The following NUMA1 variants were observed in gnomAD, a reference collection of about 807,000 sequenced individuals.
NUMA1 encodes SP-H antigen.
A neutral mutation model predicts 237.1 loss-of-function variants in NUMA1; 62 were observed. The ratio of observed to expected loss-of-function variants is 0.26; its 90% CI spans 0.21 to 0.32. The LOEUF (loss-of-function observed/expected upper bound fraction) is 0.32, where lower values mean the gene tolerates loss of function less well. Among genes scored for constraint, NUMA1 ranks in the 10% least tolerant of loss-of-function variants. The pLI, the probability that NUMA1 is intolerant of heterozygous loss-of-function variation, is 1.00. For synonymous variants in NUMA1, 1,028 were observed against 1,066.1 expected (o/e 0.96, Z 0.70); for missense variants, 2,533 against 2,666.5 (o/e 0.95, Z 1.10).
chr11:72,071,597 A>G (rs1446212011), intron 1 of NUMA1, among the ~76,000 whole-genome samples: 1 of 152,260 alleles, frequency 6.6e-6, no homozygotes, highest in African/African-American at 2.4e-5. Context: ...GAGAAATCTG[A>G]ACAAGTATTA....
rs1590859024 is a variant in NUMA1 at position 72,006,046 on chromosome 11, C to G, written c.5681G>C (p.Gly1894Ala). Residue 1894 changes from glycine (G) to alanine (A), a missense_variant, in exon 22 of 27, where the codon GGG (glycine) becomes GCG (alanine). By Grantham distance (60) the Gly-to-Ala change is moderately conservative (BLOSUM62 0). Coordinates refer to ENST00000393695, the MANE Select transcript of NUMA1 (RefSeq NM_006185.4). Reference sequence around the variant, plus strand: ...TGTAGTCCCCTCACCTGGAGGGGCCCCACTGGACACCCCGGCCTGGGAACG... The same window carrying G: ...TGTAGTCCCCTCACCTGGAGGGGCCGCACTGGACACCCCGGCCTGGGAACG... ...ARRSQAGVSS[G>A]APPGRNSFYM... 2.5e-6 allele frequency: 4 copies of G among 1,612,178 alleles called. No homozygotes were observed. Among genetic ancestry groups the G allele is most frequent in the African/African-American group, 2.7e-5 (2 of 75,052 alleles).
Position 72,007,357 on chromosome 11 carries a change from G to T in NUMA1, c.5295C>A (p.Pro1765=), listed in dbSNP as rs756937216. 8 of 1,613,672 alleles carry T rather than the reference G, an allele frequency of 5.0e-6. No homozygotes were observed. The Middle Eastern group carries it at 5.0e-4, about 100-fold the overall frequency. ...AGAGACTCTCCAGGGATTCTACCTT[G>T]GGGGGCAGGCGCTGGGAGATAGGTG... ...PASPISQRLP[P]KVESLESLYF... Residue 1765 remains proline (P), a synonymous_variant, in exon 21 of 27, where the codon CCC becomes CCA. Coordinates refer to ENST00000393695, the MANE Select transcript of NUMA1 (RefSeq NM_006185.4).
rs1955405845 is a variant in NUMA1 at position 72,003,525 on chromosome 11, C to G, written c.*2G>C. ...GTGGGGCCACTCACTGGTACTGGCC[C>G]TTTAGTGCTTTGCCTGAAAGAGACA... On this transcript the variant is annotated 3_prime_UTR_variant, in exon 27 of 27. Coordinates refer to ENST00000393695, the MANE Select transcript of NUMA1 (RefSeq NM_006185.4). 6.2e-7 allele frequency: 1 copy of G among 1,614,124 alleles called. No homozygotes were observed. The highest frequency in any genetic ancestry group is 8.5e-7 in the Non-Finnish European group (1 of 1,179,968).
Position 72,015,353 on chromosome 11 carries a change from C to G in NUMA1, c.2150G>C (p.Ser717Thr), listed in dbSNP as rs1174344669. ...LKESLKVTKG[S>T]LEEEKRRAAD... ...AGCCCTGCGCTTCTCCTCTTCAAGG[C>G]TGCCCTTGGTGACCTTCAAGGACTC... The change falls in exon 15 of 27, where the codon AGC becomes ACC. Residue 717 changes from serine (S) to threonine (T), a missense_variant. Physicochemically the swap from Ser to Thr is moderately conservative, Grantham distance 58 (BLOSUM62 1). Around this residue, in one of 3 missense-constraint regions of NUMA1, gnomAD observed 1,414 missense variants for 1,508.1 expected, o/e 0.94. Transcript: ENST00000393695. The surrounding 1 kb of genome is among the most constrained non-coding windows in gnomAD (Gnocchi z 4.0). The G allele has an allele frequency of 1.9e-6, 3 of 1,613,104 alleles. No homozygotes were observed. The highest frequency in any genetic ancestry group is 2.7e-5 in the African/African-American group (2 of 74,948).
chr11:72,037,110 A>G (rs563003879), intron 2 of NUMA1, among the ~76,000 whole-genome samples: 44 of 152,316 alleles, frequency 2.9e-4, no homozygotes, highest in African/African-American at 7.9e-4. Context: ...CGGGAAAGAG[A>G]TACGAAAATC....
chr11:72,005,516 G>T, intron 22 of NUMA1, 147 bp from the exon 23 acceptor site: 2 of 695,274 alleles, frequency 2.9e-6, no homozygotes, highest in Non-Finnish European at 4.8e-6. Context: ...AGGTGCAGGA[G>T]TACGGCACAC....
At chr11:72,078,606 G>C (rs1337337007) in intron 1 of NUMA1, among the ~76,000 whole-genome samples, 1 of 152,184 alleles carries the variant, frequency 6.6e-6, no homozygotes, top group Non-Finnish European at 1.5e-5. Flanking sequence ...CGAGCTTTCA[G>C]GTAAGATCTT....
In NUMA1 at chr11:72,018,954, G is replaced by A. The variant is rs922377643; in HGVS notation, c.611C>T (p.Pro204Leu). The A allele has an allele frequency of 6.2e-7, 1 of 1,613,858 alleles. No individual in the cohort carries two copies. The highest frequency in any genetic ancestry group is 1.3e-5 in the African/African-American group (1 of 74,888). The stretch of plus-strand genomic sequence containing the variant: ...TGGGGTCTGCAGGATATCACCCATG[G>A]GAGAAGCTGGAGAACCTGAGAGAAA... ...NNFLSGSPASPMGDILQTPQF... is the reference protein window; with the variant it reads ...NNFLSGSPASLMGDILQTPQF... Residue 204 changes from proline to leucine, a missense_variant, in exon 10 of 27, where the codon CCC (proline) becomes CTC (leucine). Pro to Leu is a moderately conservative substitution (Grantham distance 98, BLOSUM62 -3). Coordinates refer to ENST00000393695, the MANE Select transcript of NUMA1 (RefSeq NM_006185.4).
intron 2 of NUMA1, among the ~76,000 whole-genome samples, chr11:72,038,668 C>A (rs551462658): frequency 6.6e-6 from 1 of 152,096 alleles, no homozygotes; most frequent in East Asian, 1.9e-4. Context: ...CTGAGGCAGG[C>A]CCCACCCAGT....
At chr11:72,041,312 C>G (rs1156799400) in intron 2 of NUMA1, 1 of 152,264 alleles carries the variant, frequency 6.6e-6, no homozygotes, top group African/African-American at 2.4e-5. Context: ...AAAAGCAGGA[C>G]GAATGGGGGC....
intron 2 of NUMA1, chr11:72,066,304 A>G (rs1342478915): frequency 6.6e-6 from 1 of 151,744 alleles, no homozygotes; most frequent in East Asian, 1.9e-4. Context: ...TGCTCAAGAA[A>G]AAAAAAAAAA....
At chr11:72,022,216 T>C in intron 7 of NUMA1, 123 bp downstream of exon 7, 2 of 594,260 alleles carry the variant, frequency 3.4e-6, no homozygotes, top group South Asian at 2.4e-5. Context: ...CTATGATGAA[T>C]GGCAATAATT....
chr11:72,010,747 C>T, intron 17 of NUMA1, 39 bp downstream of exon 17: 1 of 1,602,488 alleles, frequency 6.2e-7, no homozygotes. Flanking sequence ...GCTTCCCTCC[C>T]TTGTCCAGAG....
chr11:72,009,322 T>A lies in NUMA1; in HGVS notation c.4785A>T (p.Glu1595Asp), dbSNP rs560716430. 5.0e-6 allele frequency: 8 copies of A among 1,613,416 alleles called. No homozygotes were observed. The African/African-American group carries it at 1.1e-4, about 22-fold the overall frequency. Reference sequence around the variant, plus strand: ...CCTTCTGGCTCAACTGGGCTTGCAGTTCATTCAGCTGGGCCTGGAGGCGCT... The same window carrying A: ...CCTTCTGGCTCAACTGGGCTTGCAGATCATTCAGCTGGGCCTGGAGGCGCT... ...EAQRLQAQLN[E>D]LQAQLSQKEQ... Residue 1595 changes from glutamate to aspartate, a missense_variant, in exon 18 of 27, where the codon GAA becomes GAT. By Grantham distance (45) the Glu-to-Asp change is conservative. Transcript: ENST00000393695.
chr11:72,022,884 TG>T (rs1180479550), intron 6 of NUMA1, among the ~76,000 whole-genome samples, 180 bp downstream of exon 6: 1 of 152,140 alleles, frequency 6.6e-6, no homozygotes, highest in Non-Finnish European at 1.5e-5. Context: ...CTAGAATCCT[TG>T]GGCTAAATTA....
At chr11:72,066,082 G>A (rs529686450) in intron 2 of NUMA1, 1 of 151,774 alleles carries the variant, frequency 6.6e-6, no homozygotes, top group South Asian at 2.1e-4. Flanking sequence ...GAGGTGGGCG[G>A]ATTACCTGAG....
intron 2 of NUMA1, among the ~76,000 whole-genome samples, chr11:72,053,404 GC>G (rs1942472602): frequency 6.6e-6 from 1 of 152,192 alleles, no homozygotes; most frequent in Non-Finnish European, 1.5e-5. Context: ...CAGCACAATG[GC>G]TGGCACAGCA....
intron 2 of NUMA1, among the ~76,000 whole-genome samples, chr11:72,052,914 G>A (rs1942447416): frequency 6.6e-6 from 1 of 152,224 alleles, no homozygotes; most frequent in Non-Finnish European, 1.5e-5. Context: ...TTTCAGAAGG[G>A]AAACTGTATA....
In NUMA1 at chr11:72,009,330, G is replaced by C; in HGVS notation, c.4777C>G (p.Leu1593Val). 1 of 1,613,380 alleles carries C rather than the reference G, an allele frequency of 6.2e-7. No homozygotes were observed. The highest frequency in any genetic ancestry group is 8.5e-7 in the Non-Finnish European group (1 of 1,179,986). ...CTCAACTGGGCTTGCAGTTCATTCA[G>C]CTGGGCCTGGAGGCGCTGGGCCTCC... The part of the protein sequence containing the change: ...QQEAQRLQAQ[L>V]NELQAQLSQK... Residue 1593 changes from leucine to valine, a missense_variant, in exon 18 of 27, where the codon CTG (leucine) becomes GTG (valine). This residue lies in a region of NUMA1 where 795 missense variants were observed against 750.8 expected (regional missense o/e 1.06). Transcript: ENST00000393695.
Sources: allele counts gnomAD v4.1 joint callset (sites outside exome capture counted in the v4.1 genomes callset), GRCh38; gene constraint gnomAD v4.1.1; regional missense constraint gnomAD v4.1.1; non-coding constraint Gnocchi (gnomAD v3.1); transcripts MANE v1.5; gene names NCBI Gene and HGNC (gene_info 2026-07-23, HGNC 2026-07-21).